Variants in NUP37 observed in about 807,000 individuals in gnomAD.
NUP37 encodes the protein nucleoporin Nup37.
NUP37 carries 33 observed loss-of-function variants against 45.4 expected under a neutral mutation model. The observed-to-expected ratio is 0.73, with a 90% CI of 0.55 to 0.97. NUP37 has a LOEUF of 0.97. Ranked by LOEUF, NUP37 falls within the 50% of genes least tolerant of loss-of-function variation. The probability of loss-of-function intolerance (pLI) is 0.00; values close to 1 mark genes in which losing one functional copy is unlikely to be tolerated. For missense variants in NUP37, 365 were observed against 389.7 expected (o/e 0.94, Z 0.53); for synonymous variants, 127 against 130.7 (o/e 0.97, Z 0.19).
rs11616093 is a variant in NUP37 at position 102,096,441 on chromosome 12, C to A, written c.449+2665G>T. ...CAATACAACACATACATTTCATGAA[C>A]CTATTCAGGTCACAGATTGTTTTAA... On this transcript the variant is annotated intron_variant, in intron 5 of 9. Coordinates refer to ENST00000552283, the MANE Select transcript of NUP37 (RefSeq NM_024057.4). Among the ~76,000 whole-genome samples the A allele has an allele frequency of 4.8e-3, 730 of 152,246 alleles. 3 individuals are homozygous for A. Among genetic ancestry groups the A allele is most frequent in the Non-Finnish European group, 5.6e-3 (382 of 67,984 alleles).
At chr12:102,077,042 C>G (rs1879190240) in intron 7 of NUP37, 195 bp from the exon 8 acceptor site, 2 of 608,436 alleles carry the variant, frequency 3.3e-6, no homozygotes, top group Non-Finnish European at 5.8e-6. Context: ...AGGGAACCAT[C>G]ATGCAACAGG....
At position 102,118,409 on chromosome 12, in the gene NUP37, G is replaced by A. The variant is rs1880544052; in HGVS notation, c.110C>T (p.Ala37Val). The change falls in exon 2 of 10, where the codon GCA becomes GTA. Residue 37 changes from alanine (A) to valine (V), a missense_variant. Physicochemically the swap from Ala to Val is moderately conservative, Grantham distance 64 (BLOSUM62 0). Coordinates refer to ENST00000552283, the MANE Select transcript of NUP37 (RefSeq NM_024057.4). ...GACCACATAATTATTGCCACCATAT[G>A]CAATTAGGTTTCCTGAATCCCCATT... Reference protein sequence around the residue: ...FENGDSGNLIAYGGNNYVVIG... With the variant: ...FENGDSGNLIVYGGNNYVVIG... 6.2e-7 allele frequency: 1 copy of A among 1,613,782 alleles called. No individual in the cohort carries two copies. The highest frequency in any genetic ancestry group is 1.3e-5 in the African/African-American group (1 of 74,882).
chr12:102,103,125 G>A (rs1395906803), intron 3 of NUP37, among the ~76,000 whole-genome samples: 1 of 152,004 alleles, frequency 6.6e-6, no homozygotes, highest in Non-Finnish European at 1.5e-5. Context: ...TTCTATTTCT[G>A]TGAAGAATGA....
chr12:102,104,640 A>G (rs1880072689), intron 3 of NUP37, among the ~76,000 whole-genome samples: 1 of 152,160 alleles, frequency 6.6e-6, no homozygotes, highest in Non-Finnish European at 1.5e-5. Flanking sequence ...TCATTTGTGT[A>G]AAGTCCAATT....
chr12:102,092,631 A>T (rs1879687917), intron 5 of NUP37, among the ~76,000 whole-genome samples: 1 of 152,196 alleles, frequency 6.6e-6, no homozygotes, highest in Non-Finnish European at 1.5e-5. Flanking sequence ...ATTTTGCAAA[A>T]GAATTCAGTG....
At position 102,110,515 on chromosome 12, in the gene NUP37, T is replaced by TA. The variant is rs201584832; in HGVS notation, c.281+1592dup. 3.8e-3 allele frequency among the ~76,000 whole-genome samples: 491 copies of TA among 127,880 alleles called. 5 individuals carry two copies. The highest frequency in any genetic ancestry group is 9.8e-3 in the African/African-American group (340 of 34,736). 83.9% of individuals were successfully genotyped at this position (127,880 alleles called of 152,430 possible). A position where few individuals can be genotyped will look rare whatever the true frequency, so the allele number is the denominator to read the frequency against. The stretch of plus-strand genomic sequence containing the variant: ...AGAGTGAGACCATGTACCAAAAAAA[T>TA]AAAAAAAAAAAAAAGAAAGATTGAC... On this transcript the variant is annotated intron_variant, in intron 3 of 9. Coordinates refer to ENST00000552283, the MANE Select transcript of NUP37 (RefSeq NM_024057.4).
intron 2 of NUP37, among the ~76,000 whole-genome samples, chr12:102,117,627 A>T (rs1194178357): frequency 6.6e-6 from 1 of 152,192 alleles, no homozygotes; most frequent in Non-Finnish European, 1.5e-5. Context: ...GAGTGTTACC[A>T]CTGCTCGTAT....
chr12:102,092,183 C>T lies in NUP37; in HGVS notation c.450-6327G>A, dbSNP rs892242864. On this transcript the variant is annotated intron_variant, in intron 5 of 9. Transcript: ENST00000552283. ...GCTCATTGTTTGCTAGGAAATTCATCGCAGAAGGGAATTTCTACTACCAAA... is the reference window on the plus strand; with the variant it reads ...GCTCATTGTTTGCTAGGAAATTCATTGCAGAAGGGAATTTCTACTACCAAA... 6.6e-5 allele frequency among the ~76,000 whole-genome samples: 10 copies of T among 152,264 alleles called. No homozygotes were observed. The South Asian group carries it at 1.0e-3, about 16-fold the overall frequency.
intron 1 of NUP37, among the ~76,000 whole-genome samples, chr12:102,119,683 G>A (rs1337429688): frequency 2.0e-5 from 3 of 152,132 alleles, no homozygotes; most frequent in Admixed American, 1.3e-4. Flanking sequence ...GGAGACTTTT[G>A]AAGGGTGACC....
At chr12:102,088,692 T>TTTTTAA (rs1879544213) in intron 5 of NUP37, among the ~76,000 whole-genome samples, 1 of 150,634 alleles carries the variant, frequency 6.6e-6, no homozygotes, top group African/African-American at 2.5e-5. Context: ...TTTGTTTTTG[T>TTTTTAA]TTTTGTTTTA....
intron 5 of NUP37, among the ~76,000 whole-genome samples, chr12:102,091,397 C>A: frequency 1.9e-5 from 1 of 53,718 alleles, no homozygotes; most frequent in South Asian, 7.9e-4. Flanking sequence ...GAGACTCCGT[C>A]TCAAAAAAAA....
intron 3 of NUP37, among the ~76,000 whole-genome samples, chr12:102,106,993 C>T (rs1360338883): frequency 6.6e-6 from 1 of 152,158 alleles, no homozygotes; most frequent in African/African-American, 2.4e-5. Context: ...ATGACTGGTT[C>T]CTTACACCCC....
At chr12:102,085,702 G>T in intron 6 of NUP37, 64 bp downstream of exon 6, 1 of 724,774 alleles carries the variant, frequency 1.4e-6, no homozygotes, top group Non-Finnish European at 2.3e-6. Flanking sequence ...CTCTATGTAT[G>T]TGATGTCTTA....
At chr12:102,108,263 G>A (rs562443430) in intron 3 of NUP37, among the ~76,000 whole-genome samples, 1 of 150,340 alleles carries the variant, frequency 6.7e-6, no homozygotes, top group Non-Finnish European at 1.5e-5. Context: ...GGAGGTGGAA[G>A]GAGATGACTT....
chr12:102,085,788 C>G lies in NUP37; in HGVS notation c.518G>C (p.Trp173Ser). 1 of 1,586,488 alleles carries G rather than the reference C, an allele frequency of 6.3e-7. No individual in the cohort carries two copies. The highest frequency in any genetic ancestry group is 8.6e-7 in the Non-Finnish European group (1 of 1,158,032). Residue 173 changes from tryptophan to serine, a missense_variant, in exon 6 of 10, where the codon TGG (tryptophan) becomes TCG (serine). By Grantham distance (177) the Trp-to-Ser change is radical. Transcript: ENST00000552283. ...VLHSPGMSVCWHPEETFKLMV... is the reference protein window; with the variant it reads ...VLHSPGMSVCSHPEETFKLMV... ...AACCTTAAAAGTCTCCTCAGGATGC[C>G]AGCACACACTCATGCCAGGAGAATG... is the stretch of plus-strand genomic sequence containing the variant.
intron 6 of NUP37, among the ~76,000 whole-genome samples, chr12:102,078,263 T>A (rs1319131245): frequency 6.6e-6 from 1 of 151,536 alleles, no homozygotes; most frequent in African/African-American, 2.4e-5. Flanking sequence ...GAGGCAGAGG[T>A]TGCAGTGAGC....
intron 3 of NUP37, among the ~76,000 whole-genome samples, chr12:102,109,713 A>G (rs984346030): frequency 6.6e-6 from 1 of 152,220 alleles, no homozygotes; most frequent in African/African-American, 2.4e-5. Context: ...AGAAAAATCC[A>G]ACCAAACAAA....
At chr12:102,118,293 T>C in intron 2 of NUP37, 70 bp downstream of exon 2, 2 of 1,402,988 alleles carry the variant, frequency 1.4e-6, no homozygotes, top group Non-Finnish European at 9.7e-7. Context: ...AAAGTTTAGA[T>C]TTGGTTTGTG....
At chr12:102,091,605 A>G (rs1879658111) in intron 5 of NUP37, among the ~76,000 whole-genome samples, 1 of 152,130 alleles carries the variant, frequency 6.6e-6, no homozygotes, top group African/African-American at 2.4e-5. Context: ...AATGTTTGCA[A>G]GGGAAATTTA....
Sources: allele counts gnomAD v4.1 joint callset (sites outside exome capture counted in the v4.1 genomes callset), GRCh38; gene constraint gnomAD v4.1.1; transcripts MANE v1.5; gene names NCBI Gene and HGNC (gene_info 2026-07-23, HGNC 2026-07-21).